Variants in GNAQ observed in about 807,000 individuals in gnomAD.
GNAQ encodes G protein subunit alpha q, also known as guanine nucleotide-binding protein G(q) subunit alpha.
In GNAQ, 8 loss-of-function variants were observed where a neutral mutation model predicts 43.9. The ratio of observed to expected loss-of-function variants is 0.18; its 90% confidence interval spans 0.11 to 0.33. The LOEUF (loss-of-function observed/expected upper bound fraction) is 0.33, where lower values mean the gene tolerates loss of function less well. Among genes scored for constraint, GNAQ ranks in the 10% least tolerant of loss-of-function variants. The pLI is 1.00. For synonymous variants in GNAQ, 155 were observed against 170.7 expected (o/e 0.91, Z 0.71); for missense variants, 158 against 450.8 (o/e 0.35, Z 5.88).
At chr9:77,810,225 TC>T (rs1564117304) in intron 3 of GNAQ, among the ~76,000 whole-genome samples, 2 of 145,108 alleles carry the variant, frequency 1.4e-5, no homozygotes, top group African/African-American at 5.3e-5. Context: ...TATCTATCTA[TC>T]TATCTATCTA....
At chr9:77,889,782 C>G (rs1350751544) in intron 2 of GNAQ, among the ~76,000 whole-genome samples, 1 of 152,196 alleles carries the variant, frequency 6.6e-6, no homozygotes, top group Non-Finnish European at 1.5e-5. Flanking sequence ...TTATTTCTAA[C>G]CAAATGCACA....
chr9:77,949,513 T>C (rs1185218721), intron 1 of GNAQ, among the ~76,000 whole-genome samples: 2 of 152,238 alleles, frequency 1.3e-5, no homozygotes, highest in South Asian at 2.1e-4. Flanking sequence ...GAGTGAGCAG[T>C]AGTGCCGGCC....
chr9:77,795,705 C>T (rs766415747), intron 4 of GNAQ, among the ~76,000 whole-genome samples: 6 of 152,102 alleles, frequency 3.9e-5, no homozygotes, highest in Admixed American at 2.6e-4. Flanking sequence ...CTTAGATCTT[C>T]GGAAGTATTA....
intron 2 of GNAQ, among the ~76,000 whole-genome samples, chr9:77,818,427 C>G (rs981393149): frequency 1.4e-5 from 2 of 145,382 alleles, no homozygotes; most frequent in African/African-American, 5.1e-5. Flanking sequence ...AATGGAAATG[C>G]AATACTCTCA....
chr9:77,894,391 A>ATATAT (rs1478433492), intron 2 of GNAQ, among the ~76,000 whole-genome samples: 1 of 35,764 alleles, frequency 2.8e-5, no homozygotes, highest in Non-Finnish European at 7.7e-5. Context: ...AATAGAAAAA[A>ATATAT]AATATATATT....
chr9:77,837,447 G>A lies in GNAQ; in HGVS notation c.322-21677C>T, dbSNP rs147573174. ...TGCTCACCTGTAATCCCAGCTACTC[G>A]GGTGGCTGAAGCAGGAGAATCGCCC... is the stretch of plus-strand genomic sequence containing the variant. On this transcript the variant is annotated intron_variant, in intron 2 of 6. Coordinates refer to ENST00000286548, the MANE Select transcript of GNAQ (RefSeq NM_002072.5). Among the ~76,000 whole-genome samples the A allele has an allele frequency of 3.0e-3, 458 of 152,164 alleles. 4 individuals carry two copies. The highest frequency in any genetic ancestry group is 0.011 in the African/African-American group (443 of 41,528).
chr9:77,843,491 T>C (rs78538535), intron 2 of GNAQ, among the ~76,000 whole-genome samples: 3,577 of 152,254 alleles, frequency 0.023, 119 homozygotes, highest in African/African-American at 0.073. Context: ...TGATGATTTA[T>C]TGTTTATGGA....
At chr9:77,923,002 G>A (rs1438803117) in intron 1 of GNAQ, among the ~76,000 whole-genome samples, 1 of 149,752 alleles carries the variant, frequency 6.7e-6, no homozygotes, top group Non-Finnish European at 1.5e-5. Flanking sequence ...CATGCACTAC[G>A]ATGCCCAGCT....
At chr9:77,945,298 C>T (rs1166917747) in intron 1 of GNAQ, among the ~76,000 whole-genome samples, 2 of 151,874 alleles carry the variant, frequency 1.3e-5, no homozygotes, top group Non-Finnish European at 2.9e-5. Context: ...TATGAAGTAG[C>T]TATAAAGTTG....
At chr9:77,849,314 AG>A (rs1327664722) in intron 2 of GNAQ, among the ~76,000 whole-genome samples, 1 of 152,170 alleles carries the variant, frequency 6.6e-6, no homozygotes, top group Non-Finnish European at 1.5e-5. Context: ...AGAAATAATA[AG>A]AGTTTTTTTT....
intron 2 of GNAQ, among the ~76,000 whole-genome samples, chr9:77,873,352 G>T (rs1382156440): frequency 6.6e-6 from 1 of 152,136 alleles, no homozygotes; most frequent in Non-Finnish European, 1.5e-5. Flanking sequence ...GGAAATAAAT[G>T]CTTATGTATT....
intron 2 of GNAQ, among the ~76,000 whole-genome samples, chr9:77,916,388 G>A (rs1828905406): frequency 6.6e-6 from 1 of 152,206 alleles, no homozygotes; most frequent in Non-Finnish European, 1.5e-5. Flanking sequence ...GTTGCACAAA[G>A]TAGTAATGTT....
At chr9:77,981,127 T>C (rs1283163483) in intron 1 of GNAQ, among the ~76,000 whole-genome samples, 2 of 152,212 alleles carry the variant, frequency 1.3e-5, no homozygotes, top group Admixed American at 1.3e-4. Context: ...ATTACATTAG[T>C]ATACAATATT....
intron 5 of GNAQ, among the ~76,000 whole-genome samples, chr9:77,734,697 G>A (rs1475667486): frequency 1.3e-5 from 2 of 152,064 alleles, no homozygotes; most frequent in African/African-American, 2.4e-5. Context: ...GAGCCAGTCA[G>A]GTGACTGTGA....
intron 2 of GNAQ, among the ~76,000 whole-genome samples, chr9:77,917,092 T>C (rs555777830): frequency 6.6e-6 from 1 of 152,292 alleles, no homozygotes; most frequent in African/African-American, 2.4e-5. Flanking sequence ...GAAGCTTGCT[T>C]ACTGTAAGAT....
At chr9:77,805,173 G>A (rs984146561) in intron 3 of GNAQ, among the ~76,000 whole-genome samples, 1 of 152,104 alleles carries the variant, frequency 6.6e-6, no homozygotes, top group Non-Finnish European at 1.5e-5. Flanking sequence ...ACCTACTCTA[G>A]TCCCTTCCTC....
At chr9:77,827,634 C>G (rs1303530925) in intron 2 of GNAQ, among the ~76,000 whole-genome samples, 2 of 151,994 alleles carry the variant, frequency 1.3e-5, no homozygotes. Context: ...CTCTTACTAA[C>G]CTCTTCTGTG....
intron 5 of GNAQ, among the ~76,000 whole-genome samples, chr9:77,764,208 G>C (rs146309848): frequency 2.6e-5 from 4 of 152,252 alleles, no homozygotes; most frequent in African/African-American, 9.6e-5. Context: ...ATTTCTATAT[G>C]ATACTATGAA....
intron 2 of GNAQ, among the ~76,000 whole-genome samples, chr9:77,835,883 T>C (rs1285713363): frequency 6.6e-6 from 1 of 152,318 alleles, no homozygotes; most frequent in East Asian, 1.9e-4. Flanking sequence ...TGTCTTTTAT[T>C]TATTTATTTT....
Sources: allele counts gnomAD v4.1 joint callset (sites outside exome capture counted in the v4.1 genomes callset), GRCh38; gene constraint gnomAD v4.1.1; transcripts MANE v1.5; gene names NCBI Gene and HGNC (gene_info 2026-07-23, HGNC 2026-07-21).